Variants in PDK1 observed in about 807,000 individuals in gnomAD.
PDK1 encodes [Pyruvate dehydrogenase (acetyl-transferring)] kinase isozyme 1, mitochondrial.
Under a neutral mutation model 54.2 loss-of-function variants are expected in PDK1, and 39 were observed. That is an observed-to-expected ratio of 0.72 (90% CI 0.56 to 0.94). The LOEUF (loss-of-function observed/expected upper bound fraction) is 0.94, where lower values mean the gene tolerates loss of function less well. Among genes scored for constraint, PDK1 ranks in the 40% least tolerant of loss-of-function variants. The probability of loss-of-function intolerance (pLI) is 0.00; values close to 1 mark genes in which losing one functional copy is unlikely to be tolerated. For synonymous variants in PDK1, 221 were observed against 207.1 expected, an observed-to-expected ratio of 1.07 and a Z score of -0.58; for missense variants, 552 against 566.0, an observed-to-expected ratio of 0.98 and a Z score of 0.25.
At chr2:172,654,523 C>A in the PDK1 span, among the ~76,000 whole-genome samples, 2 of 151,652 alleles carry the variant, frequency 1.3e-5, no homozygotes, top group South Asian at 4.2e-4. Context: ...GAAAACCAAA[C>A]ACTGCATGTT....
Position 172,587,643 on chromosome 2 carries a change from A to T in PDK1, c.1056+1255A>T, listed in dbSNP as rs12613289. On this transcript the variant is annotated intron_variant, in intron 9 of 10. Coordinates refer to ENST00000282077, the MANE Select transcript of PDK1 (RefSeq NM_002610.5). ...CTTCTACAGCCTGGAAGGGTACCAG[A>T]GTGGCTTGCCGCTGCTGGCTGTGGG... 4.0e-5 allele frequency among the ~76,000 whole-genome samples: 6 copies of T among 150,384 alleles called. No homozygotes were observed. In the East Asian group the frequency reaches 7.7e-4, roughly 19 times the overall value.
chr2:172,707,784 G>T, the PDK1 span, among the ~76,000 whole-genome samples: 33 of 152,184 alleles, frequency 2.2e-4, no homozygotes, highest in Admixed American at 4.6e-4. Context: ...GTTATTTTCT[G>T]AAAACCATTG....
the PDK1 span, among the ~76,000 whole-genome samples, chr2:172,646,043 C>T: frequency 6.6e-6 from 1 of 152,266 alleles, no homozygotes; most frequent in African/African-American, 2.4e-5. Flanking sequence ...GCAAATAACA[C>T]CTTTTAAAAT....
At chr2:172,560,040 T>C (rs957357958) in intron 2 of PDK1, among the ~76,000 whole-genome samples, 3 of 152,216 alleles carry the variant, frequency 2.0e-5, no homozygotes, top group African/African-American at 7.2e-5. Flanking sequence ...AGATGGGGTT[T>C]TTCCATGTTG....
chr2:172,669,082 C>T, the PDK1 span, among the ~76,000 whole-genome samples: 1 of 102,204 alleles, frequency 9.8e-6, no homozygotes, highest in Non-Finnish European at 1.8e-5. Context: ...TTTTTTGAGA[C>T]GGAGTCTCGC....
At chr2:172,587,279 G>C (rs780823800) in intron 9 of PDK1, among the ~76,000 whole-genome samples, 3 of 152,174 alleles carry the variant, frequency 2.0e-5, no homozygotes, top group Non-Finnish European at 4.4e-5. Context: ...CTTCCTCCCG[G>C]TGAGTTCCTG....
At chr2:172,677,083 A>G in the PDK1 span, 1 of 152,242 alleles carries the variant, frequency 6.6e-6, no homozygotes, top group Admixed American at 6.5e-5. Flanking sequence ...TTAACAGACT[A>G]CAGTATAAAG....
At chr2:172,648,655 G>A in the PDK1 span, among the ~76,000 whole-genome samples, 1 of 152,198 alleles carries the variant, frequency 6.6e-6, no homozygotes, top group Non-Finnish European at 1.5e-5. Context: ...TTTTCCAATG[G>A]CCTTAGCAAA....
At chr2:172,652,298 A>C in the PDK1 span, among the ~76,000 whole-genome samples, 1 of 152,208 alleles carries the variant, frequency 6.6e-6, no homozygotes, top group African/African-American at 2.4e-5. Flanking sequence ...TCAATAAACT[A>C]GGAATTGATA....
chr2:172,658,367 C>G, the PDK1 span, among the ~76,000 whole-genome samples: 1 of 152,136 alleles, frequency 6.6e-6, no homozygotes, highest in African/African-American at 2.4e-5. Flanking sequence ...TCTCTTAATC[C>G]TGTTATCTTC....
At chr2:172,622,226 C>G in the PDK1 span, among the ~76,000 whole-genome samples, 1 of 130,884 alleles carries the variant, frequency 7.6e-6, no homozygotes, top group Non-Finnish European at 1.6e-5. Flanking sequence ...ATGTTTATAT[C>G]TCATATATTA....
chr2:172,595,200 G>A (rs1156468213), intron 10 of PDK1, among the ~76,000 whole-genome samples: 2 of 152,096 alleles, frequency 1.3e-5, no homozygotes, highest in African/African-American at 4.8e-5. Context: ...CTCCCAAGTA[G>A]TTAGGACTAC....
Position 172,600,372 on chromosome 2 carries a change from G to A in PDK1, c.*4403G>A, listed in dbSNP as rs1019117200. On this transcript the variant is annotated 3_prime_UTR_variant, in exon 11 of 11. Transcript: ENST00000282077. ...GATTATATAACTATAAAATAGGATG[G>A]GACAGAGAAAAATATGTCTGTATTA... is the stretch of plus-strand genomic sequence containing the variant. 2.0e-5 allele frequency: 3 copies of A among 152,094 alleles called. No homozygotes were observed. Among genetic ancestry groups the A allele is most frequent in the Admixed American group, 2.0e-4 (3 of 15,266 alleles). The allele number at this position is 152,094 out of a possible 1,614,324, so 9.4% of individuals were successfully genotyped here.
intron 8 of PDK1, among the ~76,000 whole-genome samples, chr2:172,585,981 T>C (rs946642338): frequency 1.3e-4 from 20 of 151,798 alleles, no homozygotes; most frequent in African/African-American, 4.8e-4. Context: ...CTGGCTAACA[T>C]GGTGAAACCC....
chr2:172,670,331 T>A, the PDK1 span, among the ~76,000 whole-genome samples: 1 of 152,220 alleles, frequency 6.6e-6, no homozygotes, highest in Non-Finnish European at 1.5e-5. Flanking sequence ...TTTCCATAAT[T>A]TGAACTACCT....
At chr2:172,649,490 C>T in the PDK1 span, among the ~76,000 whole-genome samples, 18 of 152,222 alleles carry the variant, frequency 1.2e-4, no homozygotes, top group Middle Eastern at 3.4e-3. Flanking sequence ...ATGACTTTGA[C>T]GAGTTGAGAG....
chr2:172,568,327 C>CA (rs11400625), intron 6 of PDK1, among the ~76,000 whole-genome samples: 15,932 of 56,390 alleles, frequency 0.28, 2,717 homozygotes, highest in African/African-American at 0.5. Context: ...GACTCCGTCT[C>CA]AAAAAAAAAA....
At position 172,568,761 on chromosome 2, in the gene PDK1, A is replaced by C. The variant is rs1361887062; in HGVS notation, c.790A>C (p.Ile264Leu). The change falls in exon 7 of 11, where the codon ATA becomes CTA. Residue 264 changes from isoleucine to leucine, a missense_variant. By Grantham distance (5) the Ile-to-Leu change is conservative. Transcript: ENST00000282077. ...ELNAKSPGQP[I>L]QVVYVPSHLY... is the part of the protein sequence containing the mutation. ...TGTAGCAAAATCACCAGGACAGCCA[A>C]TACAAGTGGTTTATGTACCATCCCA... 3 of 1,609,194 alleles carry C rather than the reference A, an allele frequency of 1.9e-6. No homozygotes were observed. The highest frequency in any genetic ancestry group is 2.6e-6 in the Non-Finnish European group (3 of 1,175,466).
the PDK1 span, among the ~76,000 whole-genome samples, chr2:172,715,370 T>C: frequency 6.6e-6 from 1 of 152,222 alleles, no homozygotes; most frequent in South Asian, 2.1e-4. Flanking sequence ...GTTGAGGCTC[T>C]GCAAAGTGAG....
Sources: gnomAD v4.1 joint callset for allele counts (sites outside exome capture counted in the v4.1 genomes callset) on GRCh38, gnomAD v4.1.1 for gene constraint, MANE v1.5 for transcripts, NCBI Gene and HGNC (gene_info 2026-07-23, HGNC 2026-07-21) for gene names.